FYTTD1: variants seen among roughly 807,000 people sequenced by gnomAD.
FYTTD1 encodes the protein forty-two-three domain containing 1.
A neutral mutation model predicts 40.9 loss-of-function variants in FYTTD1; 22 were observed. The ratio of observed to expected loss-of-function variants is 0.54; its 90% confidence interval spans 0.38 to 0.77. FYTTD1 has a LOEUF of 0.77. FYTTD1 is among the 30% of genes least tolerant of loss of function. The pLI is 0.00. For missense variants in FYTTD1, 351 were observed against 392.2 expected, an observed-to-expected ratio of 0.90 and a Z score of 0.89; for synonymous variants, 140 against 137.9, an observed-to-expected ratio of 1.01 and a Z score of -0.10.
rs1431929269 is a variant in FYTTD1, at chr3:197,787,121, T to TC, written c.*5212_*5213insC. On this transcript the variant is annotated 3_prime_UTR_variant, in exon 9 of 9. Coordinates refer to ENST00000241502, the MANE Select transcript of FYTTD1 (RefSeq NM_032288.7). Reference sequence around the variant, plus strand: ...CCCTAAAAGTGGATTCTTTTTTTTTTTTTTTTTTTTGGAGACAGTCTTGCT... The same window carrying TC: ...CCCTAAAAGTGGATTCTTTTTTTTTTCTTTTTTTTTTGGAGACAGTCTTGCT... The TC allele has an allele frequency of 7.0e-6, 1 of 142,288 alleles. No homozygotes were observed. The highest frequency in any genetic ancestry group is 2.9e-5 in the African/African-American group (1 of 34,212). The allele number at this position is 142,288 out of a possible 1,614,324, so 8.8% of individuals were successfully genotyped here. A position where few individuals can be genotyped will look rare whatever the true frequency, so the allele number is the denominator to read the frequency against.
chr3:197,753,630 C>G (rs1352125051), intron 1 of FYTTD1, among the ~76,000 whole-genome samples: 2 of 151,724 alleles, frequency 1.3e-5, no homozygotes, highest in African/African-American at 4.8e-5. Context: ...GCCATGGTAG[C>G]TCATTTGACT....
chr3:197,751,624 C>G (rs1729053388), intron 1 of FYTTD1, among the ~76,000 whole-genome samples: 1 of 151,552 alleles, frequency 6.6e-6, no homozygotes, highest in South Asian at 2.1e-4. Context: ...AGAGCGAGAC[C>G]CTGTCTCCCC....
At chr3:197,750,456 T>G in intron 1 of FYTTD1, 1 of 1,000,138 alleles carries the variant, frequency 1.0e-6, no homozygotes, top group Non-Finnish European at 1.2e-6. Context: ...GCGTTCGCGG[T>G]GGGCGTTATC....
At chr3:197,765,789 G>T (rs577021374) in intron 2 of FYTTD1, among the ~76,000 whole-genome samples, 7 of 152,118 alleles carry the variant, frequency 4.6e-5, no homozygotes, top group African/African-American at 1.7e-4. Flanking sequence ...AAGGTCAGGA[G>T]ATCAAGACTA....
intron 2 of FYTTD1, among the ~76,000 whole-genome samples, chr3:197,765,980 A>C (rs187215031): frequency 3.9e-5 from 6 of 152,048 alleles, no homozygotes; most frequent in Admixed American, 1.3e-4. Context: ...TGGGCAACAG[A>C]GCAAGACTCT....
intron 2 of FYTTD1, among the ~76,000 whole-genome samples, chr3:197,764,285 C>G (rs940102751): frequency 2.6e-5 from 4 of 152,184 alleles, no homozygotes; most frequent in African/African-American, 9.6e-5. Context: ...AGTATGTATA[C>G]ATTTTTCTTA....
chr3:197,774,309 A>G, intron 6 of FYTTD1, 99 bp downstream of exon 6: 5 of 1,010,488 alleles, frequency 4.9e-6, no homozygotes, highest in Admixed American at 2.0e-5. Flanking sequence ...ATTAATTGAA[A>G]CCCAAAATAA....
At chr3:197,759,904 C>CTCAGTGGTAGAATGTATAGAGTGTTCT (rs1560493845) in intron 2 of FYTTD1, among the ~76,000 whole-genome samples, 3,516 of 144,100 alleles carry the variant, frequency 0.024, 134 homozygotes, top group African/African-American at 0.089. Context: ...TAGGGTGTTC[C>CTCAGTGGTAGAATGTATAGAGTGTTCT]TCAGTGGTAG....
intron 2 of FYTTD1, among the ~76,000 whole-genome samples, chr3:197,764,971 T>C (rs561310683): frequency 6.6e-6 from 1 of 151,388 alleles, no homozygotes; most frequent in Admixed American, 6.6e-5. Context: ...TGCCTCAGCC[T>C]CCCCAGTAGC....
At position 197,772,476 on chromosome 3, in the gene FYTTD1, G is replaced by A. The variant is rs544926148; in HGVS notation, c.498-927G>A. On this transcript the variant is annotated intron_variant, in intron 4 of 8. Transcript: ENST00000241502. ...GGTGCCGCAAACCACCATGGCACATGTATAGCTACATAAGAAACTTGCACG... is the reference window on the plus strand; with the variant it reads ...GGTGCCGCAAACCACCATGGCACATATATAGCTACATAAGAAACTTGCACG... Among the ~76,000 whole-genome samples, 3 of 152,290 alleles carry A rather than the reference G, an allele frequency of 2.0e-5. No individual in the cohort carries two copies. In the South Asian group the frequency reaches 6.2e-4, roughly 32 times the overall value.
rs982401785 is a variant in FYTTD1, at chr3:197,784,933, CAG to C, written c.*3027_*3028del. On this transcript the variant is annotated 3_prime_UTR_variant, in exon 9 of 9. Transcript: ENST00000241502. ...TAGTGTTTTCAAGACTTGCATGTGG[CAG>C]AGTTATTTTTTGAGCTCAGATCTTC... 3.9e-5 allele frequency: 6 copies of C among 152,142 alleles called. No individual in the cohort carries two copies. Among genetic ancestry groups the C allele is most frequent in the African/African-American group, 1.4e-4 (6 of 41,430 alleles). The allele number at this position is 152,142 out of a possible 1,614,324, so 9.4% of individuals were successfully genotyped here.
intron 1 of FYTTD1, among the ~76,000 whole-genome samples, chr3:197,753,422 G>T (rs1195003751): frequency 6.6e-6 from 1 of 151,966 alleles, no homozygotes; most frequent in Non-Finnish European, 1.5e-5. Context: ...GCTGGTGCCT[G>T]TGCTGTAGTA....
intron 8 of FYTTD1, among the ~76,000 whole-genome samples, chr3:197,781,280 C>T (rs560819871): frequency 6.6e-6 from 1 of 151,204 alleles, no homozygotes; most frequent in Non-Finnish European, 1.5e-5. Flanking sequence ...TGCCACTGCA[C>T]TCCAGCCTGG....
chr3:197,780,734 A>G (rs1331251374), intron 8 of FYTTD1, among the ~76,000 whole-genome samples: 5 of 151,858 alleles, frequency 3.3e-5, no homozygotes, highest in Non-Finnish European at 7.4e-5. Context: ...TAGTAGAGAC[A>G]GGGTTTCACC....
In FYTTD1 at chr3:197,782,923, A is replaced by T. The variant is rs1404398086; in HGVS notation, c.*1014A>T. On this transcript the variant is annotated 3_prime_UTR_variant, in exon 9 of 9. Coordinates refer to ENST00000241502, the MANE Select transcript of FYTTD1 (RefSeq NM_032288.7). ...AAAAGTTGAAATTTATGAGCTTTGA[A>T]GATTGCTAAATTAAATAATTTATAG... The T allele has an allele frequency of 6.6e-6, 1 of 152,648 alleles. No homozygotes were observed. Among genetic ancestry groups the T allele is most frequent in the Non-Finnish European group, 1.5e-5 (1 of 68,044 alleles). The allele number at this position is 152,648 out of a possible 1,614,324, so 9.5% of individuals were successfully genotyped here. A position where few individuals can be genotyped will look rare whatever the true frequency, so the allele number is the denominator to read the frequency against.
At chr3:197,760,701 GT>G (rs1729357503) in intron 2 of FYTTD1, among the ~76,000 whole-genome samples, 1 of 151,696 alleles carries the variant, frequency 6.6e-6, no homozygotes, top group Admixed American at 6.6e-5. Flanking sequence ...AATGTATGGA[GT>G]TGTTCTTCAG....
upstream of FYTTD1, chr3:197,749,865 G>T (rs1728937097): frequency 3.0e-6 from 2 of 667,032 alleles, no homozygotes; most frequent in Non-Finnish European, 2.3e-6. Flanking sequence ...GACGGCGCCG[G>T]CGCGTGCGCG....
chr3:197,766,430 G>GTGTGTGTGTGTGT (rs1553909119), intron 2 of FYTTD1, among the ~76,000 whole-genome samples: 16 of 135,072 alleles, frequency 1.2e-4, no homozygotes, highest in South Asian at 2.6e-4. Flanking sequence ...GTTTGAGACT[G>GTGTGTGTGTGTGT]GTGTGTGTGT....
chr3:197,773,994 C>T (rs1173445677), intron 5 of FYTTD1, among the ~76,000 whole-genome samples, 155 bp from the exon 6 acceptor site: 2 of 148,794 alleles, frequency 1.3e-5, no homozygotes, highest in East Asian at 2.1e-4. Flanking sequence ...CTCACGCACA[C>T]GCCCCACTGG....
Sources: gnomAD v4.1 joint callset for allele counts (sites outside exome capture counted in the v4.1 genomes callset) on GRCh38, gnomAD v4.1.1 for gene constraint, MANE v1.5 for transcripts, NCBI Gene and HGNC (gene_info 2026-07-23, HGNC 2026-07-21) for gene names.